The following SPAG6 variants were observed in gnomAD, a reference collection of about 807,000 sequenced individuals.
SPAG6 encodes sperm associated antigen 6.
In SPAG6, 49 loss-of-function variants were observed where a neutral mutation model predicts 58.5. The ratio of observed to expected loss-of-function variants is 0.84; its 90% CI spans 0.67 to 1.06. The LOEUF (loss-of-function observed/expected upper bound fraction) is 1.06, where lower values mean the gene tolerates loss of function less well. Ranked by LOEUF, SPAG6 falls within the 50% of genes least tolerant of loss-of-function variation. The pLI is 0.00. For synonymous variants in SPAG6, 233 were observed against 225.6 expected, an observed-to-expected ratio of 1.03 and a Z score of -0.29; for missense variants, 560 against 611.3, an observed-to-expected ratio of 0.92 and a Z score of 0.89.
chr10:22,360,984 A>G (rs1305628572), intron 2 of SPAG6: 2 of 657,656 alleles, frequency 3.0e-6, no homozygotes. Context: ...AGTTAGAATA[A>G]CAAAGTCTCC....
At chr10:22,376,906 G>A (rs964885772) in intron 4 of SPAG6, among the ~76,000 whole-genome samples, 4 of 151,830 alleles carry the variant, frequency 2.6e-5, no homozygotes, top group Non-Finnish European at 4.4e-5. Flanking sequence ...GCAACATAGC[G>A]AGATCTCATC....
intron 4 of SPAG6, among the ~76,000 whole-genome samples, chr10:22,370,828 A>G (rs1833667299): frequency 6.6e-6 from 1 of 151,160 alleles, no homozygotes; most frequent in Non-Finnish European, 1.5e-5. Context: ...GCTGGTTATC[A>G]TGGGAAACTA....
chr10:22,380,783 AC>A (rs1324425864), intron 4 of SPAG6, among the ~76,000 whole-genome samples: 2 of 152,210 alleles, frequency 1.3e-5, no homozygotes, highest in African/African-American at 4.8e-5. Flanking sequence ...ACAAAATATA[AC>A]TTTGGTAGGG....
intron 9 of SPAG6, among the ~76,000 whole-genome samples, chr10:22,407,348 C>G (rs1185689089): frequency 6.6e-6 from 1 of 151,702 alleles, no homozygotes; most frequent in Non-Finnish European, 1.5e-5. Flanking sequence ...GACAAAATCT[C>G]TCAGCATTTG....
At chr10:22,390,505 ACT>A (rs1353532879) in intron 7 of SPAG6, among the ~76,000 whole-genome samples, 2 of 152,094 alleles carry the variant, frequency 1.3e-5, no homozygotes, top group South Asian at 2.1e-4. Flanking sequence ...GTATGGTAGC[ACT>A]CTCTGCTTTT....
rs1837150601 is a variant in SPAG6 at position 22,364,909 on chromosome 10, A to G, written c.178A>G (p.Thr60Ala). The G allele has an allele frequency of 1.2e-6, 2 of 1,613,390 alleles. No homozygotes were observed. The highest frequency in any genetic ancestry group is 3.3e-5 in the Admixed American group (2 of 59,896). ...GGACGTGGTCCCAACAATTCAACAGACTGCTGCTTTGGCTCTTGGGAGACT... is the reference window on the plus strand; with the variant it reads ...GGACGTGGTCCCAACAATTCAACAGGCTGCTGCTTTGGCTCTTGGGAGACT... ...LLDVVPTIQQ[T>A]AALALGRLAN... Residue 60 changes from threonine to alanine, a missense_variant, in exon 3 of 11, where the codon ACT becomes GCT. Transcript: ENST00000376624.
At chr10:22,356,824 A>G (rs561481247) in intron 2 of SPAG6, among the ~76,000 whole-genome samples, 1 of 152,052 alleles carries the variant, frequency 6.6e-6, no homozygotes, top group Non-Finnish European at 1.5e-5. Flanking sequence ...CCTGCCTCTC[A>G]TCTTGTCCCT....
At chr10:22,384,243 G>A (rs1834018846) in intron 4 of SPAG6, among the ~76,000 whole-genome samples, 1 of 152,202 alleles carries the variant, frequency 6.6e-6, no homozygotes, top group Non-Finnish European at 1.5e-5. Flanking sequence ...AGAAGAGGTG[G>A]TATTTTCTGC....
chr10:22,378,592 G>A (rs947919520), intron 4 of SPAG6, among the ~76,000 whole-genome samples: 1 of 151,886 alleles, frequency 6.6e-6, no homozygotes, highest in African/African-American at 2.4e-5. Flanking sequence ...CTTCTTTACC[G>A]GGACACTCCA....
chr10:22,384,328 C>T (rs538575635), intron 4 of SPAG6, among the ~76,000 whole-genome samples: 11 of 152,166 alleles, frequency 7.2e-5, no homozygotes. Flanking sequence ...GATTGGCTCA[C>T]AAGCCTATGC....
intron 2 of SPAG6, among the ~76,000 whole-genome samples, chr10:22,352,907 C>T (rs944902506): frequency 6.6e-6 from 1 of 152,144 alleles, no homozygotes; most frequent in Non-Finnish European, 1.5e-5. Flanking sequence ...ATTTTTATTT[C>T]ACAAAGTGTT....
intron 2 of SPAG6, among the ~76,000 whole-genome samples, chr10:22,358,405 A>G (rs1455399959): frequency 4.6e-5 from 7 of 151,904 alleles, no homozygotes; most frequent in East Asian, 3.9e-4. Flanking sequence ...GTCTGTTCAT[A>G]TCCTTCGCCC....
At chr10:22,346,724 C>T (rs566545870) in intron 2 of SPAG6, among the ~76,000 whole-genome samples, 1 of 152,132 alleles carries the variant, frequency 6.6e-6, no homozygotes, top group East Asian at 1.9e-4. Context: ...CTCTGGGTTT[C>T]TTTGAGGGGA....
intron 4 of SPAG6, among the ~76,000 whole-genome samples, chr10:22,372,454 G>A (rs1833721248): frequency 6.6e-6 from 1 of 152,196 alleles, no homozygotes; most frequent in Non-Finnish European, 1.5e-5. Context: ...TTCCCCAGCC[G>A]CCGGGCTTCC....
At chr10:22,355,675 G>A (rs1836845508) in intron 2 of SPAG6, among the ~76,000 whole-genome samples, 1 of 152,044 alleles carries the variant, frequency 6.6e-6, no homozygotes, top group South Asian at 2.1e-4. Flanking sequence ...AATCACAATT[G>A]ACTTTATGTC....
chr10:22,403,844 G>A (rs1233986321), intron 9 of SPAG6, among the ~76,000 whole-genome samples: 1 of 148,598 alleles, frequency 6.7e-6, no homozygotes, highest in Non-Finnish European at 1.5e-5. Context: ...GTGTGAGATG[G>A]TATCTCATTG....
chr10:22,389,219 C>T lies in SPAG6; in HGVS notation c.912C>T (p.Ser304=). The T allele has an allele frequency of 6.2e-7, 1 of 1,613,416 alleles. No homozygotes were observed. Among genetic ancestry groups the T allele is most frequent in the Non-Finnish European group, 8.5e-7 (1 of 1,179,748 alleles). ...CTGCCGTGATTGACTGCATTGGGTC[C>T]TGCAAAGGGAACACACGGCTGCCTG... ...GVAAVIDCIG[S]CKGNTRLPGI... Residue 304 remains serine (S), a synonymous_variant, in exon 7 of 11, where the codon TCC becomes TCT. Coordinates refer to ENST00000376624, the MANE Select transcript of SPAG6 (RefSeq NM_012443.4).
intron 5 of SPAG6, 48 bp downstream of exon 5, chr10:22,387,007 A>G (rs757278498): frequency 1.4e-6 from 2 of 1,424,918 alleles, no homozygotes; most frequent in Non-Finnish European, 9.9e-7. Flanking sequence ...TTATAATGTA[A>G]GAAAATGGAA....
chr10:22,416,346 A>T (rs1757600180), intron 10 of SPAG6, among the ~76,000 whole-genome samples: 1 of 152,156 alleles, frequency 6.6e-6, no homozygotes, highest in Admixed American at 6.5e-5. Flanking sequence ...TTGTCAGTGG[A>T]TTGAAGATTC....
Sources: gnomAD v4.1 joint callset for allele counts (sites outside exome capture counted in the v4.1 genomes callset) on GRCh38, gnomAD v4.1.1 for gene constraint, MANE v1.5 for transcripts, NCBI Gene and HGNC (gene_info 2026-07-23, HGNC 2026-07-21) for gene names.